TAB2: variants seen among roughly 807,000 people sequenced by gnomAD.
TAB2 encodes TGF-beta-activated kinase 1 and MAP3K7-binding protein 2.
Under a neutral mutation model 65.0 loss-of-function variants are expected in TAB2, and 3 were observed. The observed-to-expected ratio is 0.05, with a 90% CI of 0.02 to 0.12. The LOEUF is 0.12. Among genes scored for constraint, TAB2 ranks in the 10% least tolerant of loss-of-function variants. TAB2 has a pLI of 1.00. For missense variants in TAB2, 623 were observed against 840.3 expected (o/e 0.74, Z 3.20); for synonymous variants, 298 against 285.1 (o/e 1.05, Z -0.46).
chr6:149,334,294 A>G (rs1439887596), intron 1 of TAB2, among the ~76,000 whole-genome samples: 1 of 152,032 alleles, frequency 6.6e-6, no homozygotes, highest in Admixed American at 6.5e-5. Flanking sequence ...ACTACAGCGT[A>G]TCTCTACAAA....
chr6:149,282,449 A>G (rs1212775414), intron 1 of TAB2, among the ~76,000 whole-genome samples: 5 of 152,030 alleles, frequency 3.3e-5, no homozygotes, highest in Non-Finnish European at 7.4e-5. Flanking sequence ...ATATGAGCTA[A>G]TTACTATTTA....
chr6:149,229,331 T>G (rs1334367852), intron 1 of TAB2, among the ~76,000 whole-genome samples: 1 of 152,046 alleles, frequency 6.6e-6, no homozygotes, highest in African/African-American at 2.4e-5. Context: ...ACTGGCACCG[T>G]GCTTCTACTA....
intron 2 of TAB2, among the ~76,000 whole-genome samples, chr6:149,375,245 A>G (rs1781362286): frequency 6.6e-6 from 1 of 152,180 alleles, no homozygotes; most frequent in African/African-American, 2.4e-5. Context: ...GGAGTTTATC[A>G]TATTTCCTCT....
chr6:149,329,351 A>G (rs1779715470), intron 1 of TAB2, among the ~76,000 whole-genome samples: 1 of 152,016 alleles, frequency 6.6e-6, no homozygotes, highest in African/African-American at 2.4e-5. Flanking sequence ...AAATAATTGA[A>G]TGTGACATAA....
chr6:149,302,442 A>G (rs1356969473), intron 1 of TAB2, among the ~76,000 whole-genome samples: 2 of 152,206 alleles, frequency 1.3e-5, no homozygotes, highest in South Asian at 2.1e-4. Flanking sequence ...AATAAAAGGT[A>G]GTTAATTGGT....
intron 3 of TAB2, 64 bp downstream of exon 3, chr6:149,379,582 C>A: frequency 1.3e-6 from 2 of 1,487,878 alleles, no homozygotes; most frequent in South Asian, 1.1e-5. Context: ...CATTTGATTT[C>A]ACAACAGAAA....
At chr6:149,254,110 G>GA (rs1562389727) in intron 1 of TAB2, among the ~76,000 whole-genome samples, 4 of 128,506 alleles carry the variant, frequency 3.1e-5, no homozygotes, top group Non-Finnish European at 6.7e-5. Flanking sequence ...AGGAAGGAAG[G>GA]AAGGACAGGG....
At chr6:149,284,361 G>A (rs1427176756) in intron 1 of TAB2, among the ~76,000 whole-genome samples, 1 of 152,154 alleles carries the variant, frequency 6.6e-6, no homozygotes, top group Admixed American at 6.5e-5. Context: ...AGGTAGGCAA[G>A]GTGCTTCTCC....
At chr6:149,331,748 A>G (rs1469228811) in intron 1 of TAB2, among the ~76,000 whole-genome samples, 1 of 152,164 alleles carries the variant, frequency 6.6e-6, no homozygotes, top group Non-Finnish European at 1.5e-5. Flanking sequence ...GTAGGTCTTC[A>G]ATTTTGTCAA....
At position 149,323,568 on chromosome 6, in the gene TAB2, C is replaced by T. The variant is rs75274681; in HGVS notation, c.-90+5553C>T. Among the ~76,000 whole-genome samples, 171 of 152,130 alleles carry T rather than the reference C, an allele frequency of 1.1e-3. 1 individual carries two copies. Among genetic ancestry groups the T allele is most frequent in the Middle Eastern group, 6.8e-3 (2 of 294 alleles). ...TTCACTGAAAAGTGAAAACGTCCCA[C>T]CAGCATCCCACCTCCCATCTTCACA... is the stretch of plus-strand genomic sequence containing the variant. On this transcript the variant is annotated intron_variant, in intron 1 of 6. Transcript: ENST00000637181.
At chr6:149,293,701 G>A (rs1244769866) in intron 1 of TAB2, among the ~76,000 whole-genome samples, 4 of 152,150 alleles carry the variant, frequency 2.6e-5, no homozygotes, top group Non-Finnish European at 4.4e-5. Context: ...CCCCCTAAAT[G>A]TAAGTTTAAC....
chr6:149,351,670 A>G (rs563007321), intron 1 of TAB2, among the ~76,000 whole-genome samples: 1 of 152,328 alleles, frequency 6.6e-6, no homozygotes, highest in African/African-American at 2.4e-5. Flanking sequence ...AGGCACAGAA[A>G]AATTAAATGA....
intron 1 of TAB2, among the ~76,000 whole-genome samples, chr6:149,222,805 CTG>C (rs1777181020): frequency 6.6e-6 from 1 of 152,050 alleles, no homozygotes; most frequent in East Asian, 1.9e-4. Context: ...CAGCGCAAGA[CTG>C]TGTCTCTCTC....
Position 149,377,880 on chromosome 6 carries a change from A to T in TAB2, c.103-138A>T, listed in dbSNP as rs7752947. ...TTTAATTCAATCATTTGCATAAAAA[A>T]ACTTCTCAAATTTAAATATCCAAAT... On this transcript the variant is annotated intron_variant, in intron 2 of 6. Coordinates refer to ENST00000637181, the MANE Select transcript of TAB2 (RefSeq NM_001292034.3). 628,893 of 711,318 alleles carry T rather than the reference A, an allele frequency of 0.88. 278,373 individuals carry two copies. The highest frequency in any genetic ancestry group is 0.95 in the Middle Eastern group (2,371 of 2,490). The allele number at this position is 711,318 out of a possible 1,614,324, so 44.1% of individuals were successfully genotyped here.
intron 1 of TAB2, among the ~76,000 whole-genome samples, chr6:149,291,049 T>C (rs964675243): frequency 6.6e-6 from 1 of 152,180 alleles, no homozygotes; most frequent in Non-Finnish European, 1.5e-5. Context: ...TACAAAATAA[T>C]GGGATGTAAA....
intron 1 of TAB2, among the ~76,000 whole-genome samples, chr6:149,339,690 C>T (rs1780055449): frequency 6.6e-6 from 1 of 151,352 alleles, no homozygotes; most frequent in Non-Finnish European, 1.5e-5. Flanking sequence ...CCTCCACCTC[C>T]CAGGTTCAAG....
chr6:149,252,972 A>C (rs1198816887), intron 1 of TAB2: 1 of 152,404 alleles, frequency 6.6e-6, no homozygotes, highest in Non-Finnish European at 1.5e-5. Flanking sequence ...GCCAAGCTCT[A>C]TCAGGTGCAC....
chr6:149,299,624 T>TAATG (rs1778936567), intron 1 of TAB2, among the ~76,000 whole-genome samples: 2 of 152,200 alleles, frequency 1.3e-5, no homozygotes, highest in African/African-American at 4.8e-5. Flanking sequence ...ATACACCTGA[T>TAATG]AATGTGGTAT....
intron 1 of TAB2, chr6:149,304,104 G>A (rs1262358959): frequency 6.6e-6 from 1 of 152,292 alleles, no homozygotes; most frequent in East Asian, 1.9e-4. Context: ...GACTGAATTT[G>A]TTCATTCTCT....
Sources: allele counts gnomAD v4.1 joint callset (sites outside exome capture counted in the v4.1 genomes callset), GRCh38; gene constraint gnomAD v4.1.1; transcripts MANE v1.5; gene names NCBI Gene and HGNC (gene_info 2026-07-23, HGNC 2026-07-21).